Variants in GSTA2 observed in about 807,000 individuals in gnomAD.
GSTA2 encodes the protein glutathione S-transferase alpha 2.
Under a neutral mutation model 22.4 loss-of-function variants are expected in GSTA2, and 27 were observed. That is an observed-to-expected ratio of 1.21 (90% confidence interval 0.89 to 1.67). GSTA2 has a LOEUF of 1.67. Among genes scored for constraint, GSTA2 ranks in the 40% most tolerant of loss-of-function variants. The pLI, the probability that GSTA2 is intolerant of heterozygous loss-of-function variation, is 0.00. For synonymous variants in GSTA2, 121 were observed against 86.8 expected (o/e 1.39, Z -2.19); for missense variants, 302 against 260.2 (o/e 1.16, Z -1.11).
At chr6:52,750,820 G>A (rs1581770211) in intron 6 of GSTA2, 121 bp from the exon 7 acceptor site, 3 of 1,230,866 alleles carry the variant, frequency 2.4e-6, no homozygotes, top group Admixed American at 2.4e-5. Context: ...TTCCACTTGG[G>A]TGAAGGCAGA....
chr6:52,750,898 T>G (rs1311122903), intron 6 of GSTA2, among the ~76,000 whole-genome samples, 199 bp from the exon 7 acceptor site: 6 of 152,228 alleles, frequency 3.9e-5, no homozygotes, highest in Admixed American at 3.9e-4. Context: ...TCCCCAAAGA[T>G]GTCTTGAAAT....
chr6:52,757,710 A>C (rs1278902989), intron 2 of GSTA2, 151 bp downstream of exon 2: 2 of 682,404 alleles, frequency 2.9e-6, no homozygotes, highest in African/African-American at 3.7e-5. Flanking sequence ...AAGAATTAAT[A>C]GGTCAAATCT....
chr6:52,755,205 C>A, intron 3 of GSTA2, 130 bp from the exon 4 acceptor site: 45 of 1,028,634 alleles, frequency 4.4e-5, no homozygotes, highest in South Asian at 8.3e-5. Context: ...TAAGAGTTCA[C>A]TTGAAACAAC....
At position 52,755,005 on chromosome 6, in the gene GSTA2, G is replaced by A; in HGVS notation, c.210C>T (p.Ala70=). 3.1e-6 allele frequency: 5 copies of A among 1,614,054 alleles called. No homozygotes were observed. Among genetic ancestry groups the A allele is most frequent in the Non-Finnish European group, 4.2e-6 (5 of 1,180,018 alleles). The change falls in exon 4 of 7, where the codon GCC becomes GCT. Residue 70 remains alanine (A), a synonymous_variant. Coordinates refer to ENST00000493422, the MANE Select transcript of GSTA2 (RefSeq NM_000846.5). ...IDGMKLVQTR[A]ILNYIASKYN... ...ATTTGCTGGCAATGTAGTTGAGAAT[G>A]GCTCTGGTCTGCACCAGCTTCATCC...
chr6:52,751,742 T>A (rs1451807293), intron 5 of GSTA2, 34 bp from the exon 6 acceptor site: 37 of 1,613,944 alleles, frequency 2.3e-5, no homozygotes, highest in Non-Finnish European at 3.1e-5. Context: ...CAGGAACACA[T>A]GCCCACCCAG....
intron 1 of GSTA2, among the ~76,000 whole-genome samples, chr6:52,759,369 T>C (rs1380515606): frequency 5.3e-5 from 8 of 152,082 alleles, no homozygotes; most frequent in African/African-American, 9.7e-5. Flanking sequence ...CAACTAATTG[T>C]ATCATGAATG....
rs376770924 is a variant in GSTA2, at chr6:52,754,978, G to T, written c.237C>A (p.Tyr79Ter). The part of the protein sequence containing the change: ...RAILNYIASK[Y>*]NLYGKDIKEK... ...CCTTTATGTCTTTCCCATAGAGGTT[G>T]TATTTGCTGGCAATGTAGTTGAGAA... The change falls in exon 4 of 7, where the codon TAC (tyrosine) becomes TAA (stop). Residue 79 changes from tyrosine (Y) to a stop codon, truncating the protein, a stop_gained. Transcript: ENST00000493422. LOFTEE classifies it high-confidence loss of function. The T allele has an allele frequency of 6.2e-7, 1 of 1,614,054 alleles. No homozygotes were observed. Among genetic ancestry groups the T allele is most frequent in the South Asian group, 1.1e-5 (1 of 91,068 alleles).
intron 1 of GSTA2, among the ~76,000 whole-genome samples, chr6:52,759,548 C>A (rs1581776607): frequency 8.1e-6 from 1 of 123,186 alleles, no homozygotes; most frequent in South Asian, 2.8e-4. Flanking sequence ...CCTTTAACAA[C>A]TAATGTATTT....
intron 1 of GSTA2, among the ~76,000 whole-genome samples, chr6:52,761,607 C>A (rs1386476067): frequency 6.6e-6 from 1 of 150,470 alleles, no homozygotes; most frequent in Non-Finnish European, 1.5e-5. Context: ...AATCAGCCCA[C>A]CTGGATTAAC....
rs768883687 is a variant in GSTA2, at chr6:52,757,849, C to T, written c.87+12G>A. 15 of 1,608,418 alleles carry T rather than the reference C, an allele frequency of 9.3e-6. No individual in the cohort carries two copies. Among genetic ancestry groups the T allele is most frequent in the Non-Finnish European group, 1.2e-5 (14 of 1,175,016 alleles). ...GTAAATCTGACTTAAGATGACCTAACTCAGAACCTACCTCTACTCCAGCTG... is the reference window on the plus strand; with the variant it reads ...GTAAATCTGACTTAAGATGACCTAATTCAGAACCTACCTCTACTCCAGCTG... On this transcript the variant is annotated intron_variant, in intron 2 of 6. Coordinates refer to ENST00000493422, the MANE Select transcript of GSTA2 (RefSeq NM_000846.5).
At chr6:52,754,390 T>C (rs1762801721) in intron 4 of GSTA2, among the ~76,000 whole-genome samples, 1 of 152,214 alleles carries the variant, frequency 6.6e-6, no homozygotes, top group Non-Finnish European at 1.5e-5. Context: ...TCAATCTGGC[T>C]GTTTCGGCCT....
chr6:52,750,294 AC>A lies in GSTA2; in HGVS notation c.*282del. 1 of 273,634 alleles carries A rather than the reference AC, an allele frequency of 3.7e-6. No individual in the cohort carries two copies. Among genetic ancestry groups the A allele is most frequent in the South Asian group, 5.3e-5 (1 of 19,004 alleles). The allele number at this position is 273,634 out of a possible 1,614,324, so 17.0% of individuals were successfully genotyped here. A position where few individuals can be genotyped will look rare whatever the true frequency, so the allele number is the denominator to read the frequency against. On this transcript the variant is annotated 3_prime_UTR_variant, in exon 7 of 7. Coordinates refer to ENST00000493422, the MANE Select transcript of GSTA2 (RefSeq NM_000846.5). ...ACAGGGCAATTCTTGGAAAAGTCAA[AC>A]AAACCACATAATTTATAGTTTCCAT...
At chr6:52,755,155 A>G in intron 3 of GSTA2, 80 bp from the exon 4 acceptor site, 6 of 1,574,086 alleles carry the variant, frequency 3.8e-6, no homozygotes, top group Non-Finnish European at 5.2e-6. Context: ...GGTTGTTGAA[A>G]TGACTAAATT....
At chr6:52,759,792 C>T (rs1371127424) in intron 1 of GSTA2, among the ~76,000 whole-genome samples, 3 of 151,798 alleles carry the variant, frequency 2.0e-5, no homozygotes, top group Non-Finnish European at 4.4e-5. Context: ...GCATGTTGGA[C>T]AGTCTGGTCT....
chr6:52,757,256 AT>A (rs1252940998), intron 2 of GSTA2, among the ~76,000 whole-genome samples: 3 of 109,986 alleles, frequency 2.7e-5, no homozygotes, highest in Non-Finnish European at 3.6e-5. Context: ...ATGCATTTTT[AT>A]TTTTTTATTG....
chr6:52,751,793 T>C, intron 5 of GSTA2, 85 bp from the exon 6 acceptor site: 1 of 1,595,706 alleles, frequency 6.3e-7, no homozygotes, highest in Non-Finnish European at 8.6e-7. Flanking sequence ...CCACCCTGAC[T>C]TTCCCCACCT....
At chr6:52,762,068 T>G (rs1762960470) in intron 1 of GSTA2, among the ~76,000 whole-genome samples, 1 of 145,674 alleles carries the variant, frequency 6.9e-6, no homozygotes, top group South Asian at 2.1e-4. Context: ...GCAGTATGCT[T>G]GTTAAAAGTC....
chr6:52,752,757 A>G, intron 5 of GSTA2, 97 bp downstream of exon 5: 2 of 1,477,206 alleles, frequency 1.4e-6, no homozygotes, highest in Non-Finnish European at 9.4e-7. Context: ...AGGAAGTATC[A>G]CTGAAAGTGA....
chr6:52,753,563 A>G (rs973419023), intron 4 of GSTA2, among the ~76,000 whole-genome samples: 7 of 152,254 alleles, frequency 4.6e-5, no homozygotes, highest in African/African-American at 1.7e-4. Context: ...AGCCCTCTCC[A>G]TGTGCTGTTG....
Sources: gnomAD v4.1 joint callset for allele counts (sites outside exome capture counted in the v4.1 genomes callset) on GRCh38, gnomAD v4.1.1 for gene constraint, MANE v1.5 for transcripts, NCBI Gene and HGNC (gene_info 2026-07-23, HGNC 2026-07-21) for gene names.